The following NRXN3 variants were observed in gnomAD, a reference collection of about 807,000 sequenced individuals.
NRXN3 encodes the protein neurexin 3.
NRXN3 carries 32 observed loss-of-function variants against 137.6 expected under a neutral mutation model. The observed-to-expected ratio is 0.23, with a 90% confidence interval of 0.18 to 0.31. The LOEUF (loss-of-function observed/expected upper bound fraction) is 0.31. Among genes scored for constraint, NRXN3 ranks in the 10% least tolerant of loss-of-function variants. NRXN3 has a pLI of 1.00. For synonymous variants in NRXN3, 798 were observed against 784.5 expected, an observed-to-expected ratio of 1.02 and a Z score of -0.29; for missense variants, 1,574 against 2,062.5, an observed-to-expected ratio of 0.76 and a Z score of 4.59.
chr14:78,642,277 A>G (rs888994497), intron 4 of NRXN3, among the ~76,000 whole-genome samples: 1 of 152,220 alleles, frequency 6.6e-6, no homozygotes, highest in Non-Finnish European at 1.5e-5. Flanking sequence ...CTAGTCATCA[A>G]TTTCTTCCTT....
chr14:79,260,476 C>G (rs943461978), intron 15 of NRXN3, among the ~76,000 whole-genome samples: 1 of 152,156 alleles, frequency 6.6e-6, no homozygotes, highest in African/African-American at 2.4e-5. Flanking sequence ...TTGGGGAGTA[C>G]TTTTGACAGA....
At chr14:79,372,572 C>G (rs2094142330) in intron 15 of NRXN3, among the ~76,000 whole-genome samples, 1 of 152,102 alleles carries the variant, frequency 6.6e-6, no homozygotes, top group South Asian at 2.1e-4. Flanking sequence ...ACCACTGGCT[C>G]TTTAGAAAAA....
At chr14:78,798,471 C>T (rs1292669856) in intron 8 of NRXN3, among the ~76,000 whole-genome samples, 1 of 152,212 alleles carries the variant, frequency 6.6e-6, no homozygotes, top group African/African-American at 2.4e-5. Flanking sequence ...CAATTCCTCT[C>T]CTGGCAGCTT....
intron 20 of NRXN3, among the ~76,000 whole-genome samples, chr14:79,858,446 C>T (rs574665011): frequency 6.6e-6 from 1 of 152,318 alleles, no homozygotes; most frequent in African/African-American, 2.4e-5. Context: ...TCTTACCCAA[C>T]AGTTTGCCTT....
At chr14:78,608,759 T>C (rs2097274005) in intron 4 of NRXN3, among the ~76,000 whole-genome samples, 1 of 152,106 alleles carries the variant, frequency 6.6e-6, no homozygotes, top group South Asian at 2.1e-4. Flanking sequence ...TCTGAGAAGA[T>C]TACAGTGTAA....
chr14:78,328,030 G>T (rs1415742659), intron 4 of NRXN3, among the ~76,000 whole-genome samples: 1 of 152,048 alleles, frequency 6.6e-6, no homozygotes, highest in African/African-American at 2.4e-5. Context: ...CTTCCTTAAG[G>T]CCCTCTCTAA....
chr14:78,462,953 C>G lies in NRXN3; in HGVS notation c.757+165093C>G, dbSNP rs186083997. Among the ~76,000 whole-genome samples the G allele has an allele frequency of 1.9e-3, 292 of 152,290 alleles. 1 individual carries two copies. The highest frequency in any genetic ancestry group is 6.4e-3 in the African/African-American group (267 of 41,562). On this transcript the variant is annotated intron_variant, in intron 4 of 20. Coordinates refer to ENST00000335750, the MANE Select transcript of NRXN3 (RefSeq NM_001330195.2). The stretch of plus-strand genomic sequence containing the variant: ...GCTTTTAGTGTATCCATCACCTGAA[C>G]AGTGTACACTGTGCCCAGTAGGTAA...
chr14:79,384,683 T>G (rs1357816858), intron 15 of NRXN3, among the ~76,000 whole-genome samples: 1 of 152,104 alleles, frequency 6.6e-6, no homozygotes, highest in East Asian at 1.9e-4. Flanking sequence ...ACCTGAGAGA[T>G]TATTAATAAC....
chr14:79,168,083 G>A (rs762677507), intron 15 of NRXN3, among the ~76,000 whole-genome samples: 2 of 151,972 alleles, frequency 1.3e-5, no homozygotes, highest in Non-Finnish European at 2.9e-5. Context: ...GGCCTTGTGA[G>A]TCTCTGACTG....
intron 10 of NRXN3, among the ~76,000 whole-genome samples, chr14:78,853,858 G>A (rs1448694887): frequency 6.6e-6 from 1 of 152,096 alleles, no homozygotes; most frequent in Non-Finnish European, 1.5e-5. Flanking sequence ...TTCTTCTCCA[G>A]GTGAAAGTCT....
At chr14:78,263,948 T>C (rs1381660965) in intron 2 of NRXN3, among the ~76,000 whole-genome samples, 1 of 151,680 alleles carries the variant, frequency 6.6e-6, no homozygotes, top group Non-Finnish European at 1.5e-5. Context: ...GTCTAATTTT[T>C]TTCCGGGTCA....
chr14:78,185,445 A>C (rs1208652943), intron 1 of NRXN3, among the ~76,000 whole-genome samples: 1 of 152,204 alleles, frequency 6.6e-6, no homozygotes, highest in Non-Finnish European at 1.5e-5. Flanking sequence ...TTTCCAGCAC[A>C]TGGGTGGAGG....
At chr14:78,543,940 C>G (rs11848322) in intron 4 of NRXN3, among the ~76,000 whole-genome samples, 1 of 152,098 alleles carries the variant, frequency 6.6e-6, no homozygotes, top group Non-Finnish European at 1.5e-5. Flanking sequence ...ACTAGGGACT[C>G]TCTTGGGAGG....
At chr14:78,173,490 A>G (rs1256933349) in intron 1 of NRXN3, among the ~76,000 whole-genome samples, 2 of 151,516 alleles carry the variant, frequency 1.3e-5, no homozygotes, top group East Asian at 1.9e-4. Flanking sequence ...GCGTCTGGGC[A>G]TTGTGTGTGC....
chr14:79,497,523 C>G (rs2096779092), intron 16 of NRXN3, among the ~76,000 whole-genome samples: 1 of 152,180 alleles, frequency 6.6e-6, no homozygotes. Context: ...TCTCCCTTAC[C>G]CTGCCTTACT....
At chr14:79,218,051 AG>A (rs1323729560) in intron 15 of NRXN3, among the ~76,000 whole-genome samples, 2 of 152,230 alleles carry the variant, frequency 1.3e-5, no homozygotes, top group Non-Finnish European at 2.9e-5. Context: ...GAAAGCTGAA[AG>A]GGACCTGTTT....
At chr14:78,673,540 G>T (rs550935189) in intron 6 of NRXN3, among the ~76,000 whole-genome samples, 1 of 152,150 alleles carries the variant, frequency 6.6e-6, no homozygotes, top group Non-Finnish European at 1.5e-5. Context: ...AGATGTCTCC[G>T]TCAGTTCAGG....
At chr14:78,211,041 C>A (rs1192426659) in intron 1 of NRXN3, among the ~76,000 whole-genome samples, 3 of 152,016 alleles carry the variant, frequency 2.0e-5, no homozygotes, top group Non-Finnish European at 4.4e-5. Context: ...TTATAGTATT[C>A]CAGAGAGAAG....
chr14:78,345,792 A>G (rs2082665152), intron 4 of NRXN3, among the ~76,000 whole-genome samples: 1 of 152,202 alleles, frequency 6.6e-6, no homozygotes. Context: ...CCTGCTGGGC[A>G]AACCGGCTGC....
Sources: allele counts gnomAD v4.1 joint callset (sites outside exome capture counted in the v4.1 genomes callset), GRCh38; gene constraint gnomAD v4.1.1; transcripts MANE v1.5; gene names NCBI Gene and HGNC (gene_info 2026-07-23, HGNC 2026-07-21).